The following LCP1 variants were observed in gnomAD, a reference collection of about 807,000 sequenced individuals.
LCP1 encodes lymphocyte cytosolic protein 1.
A neutral mutation model predicts 72.0 loss-of-function variants in LCP1; 23 were observed. The ratio of observed to expected loss-of-function variants is 0.32; its 90% CI spans 0.23 to 0.45. The LOEUF (loss-of-function observed/expected upper bound fraction) is 0.45. Among genes scored for constraint, LCP1 ranks in the 20% least tolerant of loss-of-function variants. The pLI is 1.00. For synonymous variants in LCP1, 245 were observed against 275.4 expected, an observed-to-expected ratio of 0.89 and a Z score of 1.09; for missense variants, 571 against 748.3, an observed-to-expected ratio of 0.76 and a Z score of 2.76.
chr13:46,158,331 T>C (rs1373131156), intron 4 of LCP1, among the ~76,000 whole-genome samples, 191 bp downstream of exon 4: 2 of 152,200 alleles, frequency 1.3e-5, no homozygotes, highest in Non-Finnish European at 2.9e-5. Context: ...TCATTTTGTA[T>C]TGGACCCTAC....
chr13:46,147,670 T>G (rs2045739227), intron 9 of LCP1, among the ~76,000 whole-genome samples: 1 of 152,158 alleles, frequency 6.6e-6, no homozygotes, highest in Non-Finnish European at 1.5e-5. Flanking sequence ...ATCAATTTTA[T>G]TTTTGCAGAC....
intron 15 of LCP1, 36 bp downstream of exon 15, chr13:46,130,778 T>G: frequency 6.2e-7 from 1 of 1,611,968 alleles, no homozygotes; most frequent in Non-Finnish European, 8.5e-7. Flanking sequence ...GTTGGGTCCT[T>G]CCCTCCCAAT....
Position 46,158,872 on chromosome 13 carries a change from C to T in LCP1, c.182G>A (p.Gly61Asp). 2 of 1,614,192 alleles carry T rather than the reference C, an allele frequency of 1.2e-6. No homozygotes were observed. Among genetic ancestry groups the T allele is most frequent in the South Asian group, 1.1e-5 (1 of 91,084 alleles). Residue 61 changes from glycine (G) to aspartate (D), a missense_variant, in exon 3 of 16, where the codon GGT (glycine) becomes GAT (aspartate). Physicochemically the swap from Gly to Asp is moderately conservative, Grantham distance 94 (BLOSUM62 -1). Coordinates refer to ENST00000323076, the MANE Select transcript of LCP1 (RefSeq NM_002298.5). The part of the protein sequence containing the change: ...REITENLMAT[G>D]DLDQDGRISF... ...GATCCTTCCATCTTGGTCCAGATCA[C>T]CTGTAGCCATCAGGTTTTCTGTAAT...
At chr13:46,128,571 C>A (rs1163398380) in intron 15 of LCP1, among the ~76,000 whole-genome samples, 1 of 152,026 alleles carries the variant, frequency 6.6e-6, no homozygotes, top group Non-Finnish European at 1.5e-5. Context: ...GTAGTCCAGC[C>A]TGGGCAACAA....
intron 13 of LCP1, among the ~76,000 whole-genome samples, chr13:46,135,483 G>T (rs1315860142): frequency 6.6e-6 from 1 of 152,130 alleles, no homozygotes; most frequent in East Asian, 1.9e-4. Context: ...CAGTTCTCCC[G>T]TGACTTTCCA....
At chr13:46,127,838 G>A in intron 15 of LCP1, 115 bp from the exon 16 acceptor site, 1 of 1,217,440 alleles carries the variant, frequency 8.2e-7, no homozygotes, top group East Asian at 2.4e-5. Context: ...CACTCCTGCA[G>A]TGGCTGGAGT....
In LCP1 at chr13:46,152,817, A is replaced by G. The variant is rs1260568077; in HGVS notation, c.702T>C (p.Ile234=). Residue 234 remains isoleucine, a synonymous_variant, in exon 7 of 16, where the codon ATT becomes ATC. Transcript: ENST00000323076. ...VLGLLWQVIK[I]GLFADIELSR... Reference sequence around the variant, plus strand: ...TGAGTTCAATGTCAGCAAACAACCCAATCTTGATGACTTGCCACAGAAGTC... The same window carrying G: ...TGAGTTCAATGTCAGCAAACAACCCGATCTTGATGACTTGCCACAGAAGTC... The G allele has an allele frequency of 6.2e-7, 1 of 1,614,016 alleles. No individual in the cohort carries two copies. Among genetic ancestry groups the G allele is most frequent in the Non-Finnish European group, 8.5e-7 (1 of 1,180,004 alleles).
intron 10 of LCP1, among the ~76,000 whole-genome samples, chr13:46,146,362 C>T (rs2045730939): frequency 6.6e-6 from 1 of 152,150 alleles, no homozygotes; most frequent in Non-Finnish European, 1.5e-5. Context: ...ATCTCCAGCA[C>T]CTCTACCTGG....
At chr13:46,138,445 G>A (rs561664656) in intron 13 of LCP1, among the ~76,000 whole-genome samples, 5 of 152,194 alleles carry the variant, frequency 3.3e-5, no homozygotes, top group East Asian at 3.9e-4. Context: ...TTAAATGCAC[G>A]ATTCTTATGT....
Position 46,127,512 on chromosome 13 carries a change from T to C in LCP1, c.*79A>G. The C allele has an allele frequency of 6.4e-7, 1 of 1,554,866 alleles. No individual in the cohort carries two copies. Among genetic ancestry groups the C allele is most frequent in the Non-Finnish European group, 8.8e-7 (1 of 1,142,336 alleles). On this transcript the variant is annotated 3_prime_UTR_variant, in exon 16 of 16. Transcript: ENST00000323076. ...AGTGTCACCAAGTTGAACTTTGGAA[T>C]GGCTTGAATCATCCCTGGAGCATCT...
intron 15 of LCP1, among the ~76,000 whole-genome samples, chr13:46,129,952 CGT>C (rs1399210110): frequency 6.6e-6 from 1 of 152,102 alleles, no homozygotes; most frequent in African/African-American, 2.4e-5. Flanking sequence ...GGAAGACAGC[CGT>C]GTGAAGTCAC....
intron 8 of LCP1, among the ~76,000 whole-genome samples, chr13:46,150,313 C>T (rs183797393): frequency 7.4e-4 from 113 of 152,314 alleles, no homozygotes; most frequent in African/African-American, 2.6e-3. Flanking sequence ...TTGCCAATAG[C>T]TGTTTTCTTT....
In LCP1 at chr13:46,142,610, C is replaced by T. The variant is rs563839443; in HGVS notation, c.1369-185G>A. On this transcript the variant is annotated intron_variant, in intron 12 of 15. Coordinates refer to ENST00000323076, the MANE Select transcript of LCP1 (RefSeq NM_002298.5). The stretch of plus-strand genomic sequence containing the variant: ...AGAATTTTCCATCTGTCCTTAGAAC[C>T]CCTCACTTTCATAAAAAATATTCAT... The T allele has an allele frequency of 1.3e-5, 8 of 631,812 alleles. No individual in the cohort carries two copies. The Admixed American group carries it at 1.6e-4, about 13-fold the overall frequency. 39.1% of individuals were successfully genotyped at this position (631,812 alleles called of 1,614,324 possible).
chr13:46,154,446 C>T (rs998945860), intron 6 of LCP1, among the ~76,000 whole-genome samples: 3 of 152,158 alleles, frequency 2.0e-5, no homozygotes, highest in Non-Finnish European at 2.9e-5. Flanking sequence ...GAGTACTTCC[C>T]GTTTTTCACC....
chr13:46,127,538 G>C lies in LCP1; in HGVS notation c.*53C>G. 4 of 1,607,406 alleles carry C rather than the reference G, an allele frequency of 2.5e-6. No homozygotes were observed. Among genetic ancestry groups the C allele is most frequent in the Non-Finnish European group, 3.4e-6 (4 of 1,175,860 alleles). ...GGCTTGAATCATCCCTGGAGCATCTGTGCCGGGCAGTCAGGAGTGAGTGCA... is the reference window on the plus strand; with the variant it reads ...GGCTTGAATCATCCCTGGAGCATCTCTGCCGGGCAGTCAGGAGTGAGTGCA... On this transcript the variant is annotated 3_prime_UTR_variant, in exon 16 of 16. Transcript: ENST00000323076.
chr13:46,130,924 A>T lies in LCP1; in HGVS notation c.1641T>A (p.Ser547Arg). 6.2e-7 allele frequency: 1 copy of T among 1,607,018 alleles called. No homozygotes were observed. Among genetic ancestry groups the T allele is most frequent in the Non-Finnish European group, 8.5e-7 (1 of 1,177,628 alleles). ...SISSFKDPKI[S>R]TSLPVLDLID... ...TGAGGTCCAGAACAGGCAGACTTGT[A>T]CTAATCTTCGGGTCCTATGCAGAGA... is the stretch of plus-strand genomic sequence containing the variant. The change falls in exon 15 of 16, where the codon AGT becomes AGA. Residue 547 changes from serine to arginine, a missense_variant. Ser to Arg is a moderately radical substitution (Grantham distance 110). Transcript: ENST00000323076.
chr13:46,158,132 T>C (rs1346441986), intron 4 of LCP1, among the ~76,000 whole-genome samples: 2 of 152,248 alleles, frequency 1.3e-5, no homozygotes, highest in African/African-American at 4.8e-5. Context: ...TTATGGCTGT[T>C]GGATGGCAGC....
At chr13:46,168,123 A>G (rs548146847) in intron 1 of LCP1, among the ~76,000 whole-genome samples, 6 of 152,336 alleles carry the variant, frequency 3.9e-5, no homozygotes, top group Non-Finnish European at 7.4e-5. Flanking sequence ...GGCAGGAAAT[A>G]GAAGGAAGTG....
chr13:46,180,006 T>G (rs1310811285), intron 1 of LCP1, among the ~76,000 whole-genome samples: 2 of 152,202 alleles, frequency 1.3e-5, no homozygotes, highest in African/African-American at 4.8e-5. Context: ...TTGCTCTCTC[T>G]CTTTTATTCT....
Sources: allele counts gnomAD v4.1 joint callset (sites outside exome capture counted in the v4.1 genomes callset), GRCh38; gene constraint gnomAD v4.1.1; transcripts MANE v1.5; gene names NCBI Gene and HGNC (gene_info 2026-07-23, HGNC 2026-07-21).